The following TARS3 variants were observed in gnomAD, a reference collection of about 807,000 sequenced individuals.
The protein encoded by TARS3 is threonyl-tRNA synthetase 3.
Under a neutral mutation model 103.5 loss-of-function variants are expected in TARS3, and 94 were observed. That is an observed-to-expected ratio of 0.91 (90% CI 0.77 to 1.08). TARS3 has a LOEUF of 1.08. Among genes scored for constraint, TARS3 ranks in the 50% least tolerant of loss-of-function variants. The pLI, the probability that TARS3 is intolerant of heterozygous loss-of-function variation, is 0.00. For missense variants in TARS3, 952 were observed against 995.2 expected (o/e 0.96, Z 0.58); for synonymous variants, 416 against 355.4 (o/e 1.17, Z -1.92).
At position 101,724,217 on chromosome 15, in the gene TARS3, G is replaced by C; in HGVS notation, c.171C>G (p.Leu57=). ...GGCGCAGGTCGCAGTTCTCGGCCCG[G>C]AGCTGCGCCACCTCCCGCGTGAGGC... ...GPCLTREVAQ[L]RAENCDLRHR... is the part of the protein sequence containing the mutation. The change falls in exon 1 of 19, where the codon CTC becomes CTG. Residue 57 remains leucine (L), a synonymous_variant. Transcript: ENST00000335968. 1 of 1,537,804 alleles carries C rather than the reference G, an allele frequency of 6.5e-7. No homozygotes were observed. The highest frequency in any genetic ancestry group is 2.5e-5 in the East Asian group (1 of 39,898).
At chr15:101,698,449 C>A (rs2141424858) in intron 10 of TARS3, among the ~76,000 whole-genome samples, 1 of 151,952 alleles carries the variant, frequency 6.6e-6, no homozygotes, top group Non-Finnish European at 1.5e-5. Flanking sequence ...ACTCAGAGGG[C>A]AGAATCACAG....
intron 13 of TARS3, among the ~76,000 whole-genome samples, chr15:101,675,188 C>T (rs1025284060): frequency 1.3e-5 from 2 of 152,146 alleles, no homozygotes; most frequent in Non-Finnish European, 2.9e-5. Context: ...CACGACAGGA[C>T]GTGACTACGA....
chr15:101,712,827 G>A (rs1373963530), intron 4 of TARS3, among the ~76,000 whole-genome samples: 1 of 152,228 alleles, frequency 6.6e-6, no homozygotes, highest in Non-Finnish European at 1.5e-5. Flanking sequence ...TTAAAAAGCT[G>A]TTTGATAAAA....
rs1225290869 is a variant in TARS3 at position 101,711,990 on chromosome 15, G to A, written c.702C>T (p.His234=). 1.2e-6 allele frequency: 2 copies of A among 1,613,420 alleles called. No individual in the cohort carries two copies. Among genetic ancestry groups the A allele is most frequent in the Non-Finnish European group, 1.7e-6 (2 of 1,179,672 alleles). Residue 234 remains histidine (H), a synonymous_variant, in exon 5 of 19, where the codon CAC becomes CAT. Transcript: ENST00000335968. ...CCTCCCCAAGAATGTGAGCACTGGA[G>A]TGCCAGTACACCTGCATGGCATGGA... ...DNEEAQAVYW[H]SSAHILGEAM... is the part of the protein sequence containing the mutation.
intron 3 of TARS3, 138 bp from the exon 4 acceptor site, chr15:101,715,101 CTTG>C: frequency 1.4e-6 from 1 of 702,220 alleles, no homozygotes; most frequent in South Asian, 3.9e-5. Context: ...ACAGATATTT[CTTG>C]TTTTGCAATA....
intron 2 of TARS3, among the ~76,000 whole-genome samples, chr15:101,722,637 T>G (rs755606068): frequency 7.9e-5 from 7 of 88,082 alleles, no homozygotes; most frequent in Non-Finnish European, 1.5e-4. Flanking sequence ...AAACCCCATC[T>G]CTACTAAAAA....
At chr15:101,714,319 T>C (rs182089434) in intron 4 of TARS3, among the ~76,000 whole-genome samples, 8 of 152,208 alleles carry the variant, frequency 5.3e-5, no homozygotes, top group Admixed American at 5.2e-4. Flanking sequence ...TAAGAAATGA[T>C]AAGGCTGGGC....
intron 12 of TARS3, among the ~76,000 whole-genome samples, chr15:101,677,661 G>C (rs1898085814): frequency 6.6e-6 from 1 of 152,116 alleles, no homozygotes; most frequent in Non-Finnish European, 1.5e-5. Context: ...ACCACGCCTG[G>C]CTAATTTTGT....
At position 101,664,925 on chromosome 15, in the gene TARS3, A is replaced by C. The variant is rs1897520262; in HGVS notation, c.1968-3109T>G. On this transcript the variant is annotated intron_variant, in intron 15 of 18. Transcript: ENST00000335968. ...TCAGGAAGAAACACAAAACACGAAC[A>C]ACAGAGATTGTAGAACTGAAAACTA... Among the ~76,000 whole-genome samples, 3 of 147,020 alleles carry C rather than the reference A, an allele frequency of 2.0e-5. No homozygotes were observed. The South Asian group carries it at 6.4e-4, about 31-fold the overall frequency.
chr15:101,721,250 A>G lies in TARS3; in HGVS notation c.442T>C (p.Leu148=), dbSNP rs150027731. ...CCCTTTTTTCCATAAATGGCAAGTA[A>G]GAGCTGATGGTCTTTCTTCAGTATT... The part of the protein sequence containing the change: ...FEILKKDHQL[L]LAIYGKKGDT... Residue 148 remains leucine (L), a synonymous_variant, in exon 3 of 19, where the codon TTA becomes CTA. Coordinates refer to ENST00000335968, the MANE Select transcript of TARS3 (RefSeq NM_152334.3). 614 of 1,614,068 alleles carry G rather than the reference A, an allele frequency of 3.8e-4. 1 individual carries two copies. The highest frequency in any genetic ancestry group is 4.9e-4 in the Non-Finnish European group (577 of 1,179,938).
chr15:101,714,731 G>A, intron 4 of TARS3, 109 bp downstream of exon 4: 1 of 938,956 alleles, frequency 1.1e-6, no homozygotes, highest in Non-Finnish European at 1.4e-6. Flanking sequence ...TTAAATCTTA[G>A]AAACCCCCAA....
At chr15:101,689,700 T>C (rs1898626797) in intron 10 of TARS3, among the ~76,000 whole-genome samples, 1 of 152,212 alleles carries the variant, frequency 6.6e-6, no homozygotes, top group Non-Finnish European at 1.5e-5. Context: ...CCATGGGTTT[T>C]AGAGGGAACA....
At chr15:101,679,777 C>T (rs1898182785) in intron 12 of TARS3, among the ~76,000 whole-genome samples, 1 of 152,322 alleles carries the variant, frequency 6.6e-6, no homozygotes, top group African/African-American at 2.4e-5. Flanking sequence ...CACTGACACT[C>T]TTCCAGCAGA....
chr15:101,704,692 A>G (rs1165729717), intron 7 of TARS3, among the ~76,000 whole-genome samples: 1 of 151,834 alleles, frequency 6.6e-6, no homozygotes, highest in East Asian at 1.9e-4. Flanking sequence ...AAGCCATAAA[A>G]GAAAAGCTTT....
Position 101,656,029 on chromosome 15 carries a change from A to T in TARS3, c.2260+893T>A, listed in dbSNP as rs1192491980. Reference sequence around the variant, plus strand: ...AGAAGGAAGAAACCGGTCTGCAGATAAGTGGAATAAGGTAGATATTCAAGA... The same window carrying T: ...AGAAGGAAGAAACCGGTCTGCAGATTAGTGGAATAAGGTAGATATTCAAGA... On this transcript the variant is annotated intron_variant, in intron 18 of 18. Coordinates refer to ENST00000335968, the MANE Select transcript of TARS3 (RefSeq NM_152334.3). 14 of 1,289,110 alleles carry T rather than the reference A, an allele frequency of 1.1e-5. No homozygotes were observed. The Admixed American group carries it at 3.0e-4, about 27-fold the overall frequency. 79.9% of individuals were successfully genotyped at this position (1,289,110 alleles called of 1,614,324 possible).
At chr15:101,702,126 A>G in intron 9 of TARS3, 113 bp downstream of exon 9, 1 of 1,329,310 alleles carries the variant, frequency 7.5e-7, no homozygotes, top group Non-Finnish European at 1.1e-6. Context: ...TGCCAGCAAA[A>G]TAGGAGAGAA....
chr15:101,721,100 A>C lies in TARS3; in HGVS notation c.566+26T>G, dbSNP rs367960566. On this transcript the variant is annotated intron_variant, in intron 3 of 18. Coordinates refer to ENST00000335968, the MANE Select transcript of TARS3 (RefSeq NM_152334.3). ...GCTTCAGTATAATTACTTAAGATTG[A>C]ATATCTTTTCCACACTGCGGTTTAC... The C allele has an allele frequency of 2.3e-4, 361 of 1,566,932 alleles. 1 individual carries two copies. Among genetic ancestry groups the C allele is most frequent in the Non-Finnish European group, 3.0e-4 (344 of 1,146,178 alleles).
chr15:101,661,883 T>C (rs1897395184), intron 15 of TARS3, 67 bp from the exon 16 acceptor site: 1 of 994,288 alleles, frequency 1.0e-6, no homozygotes, highest in Non-Finnish European at 1.4e-6. Context: ...TAGCCTTATA[T>C]TTAATTTTGA....
chr15:101,720,365 T>C (rs1900386766), intron 3 of TARS3, among the ~76,000 whole-genome samples: 1 of 152,204 alleles, frequency 6.6e-6, no homozygotes, highest in Non-Finnish European at 1.5e-5. Flanking sequence ...AGTTCACTAA[T>C]GTATCTAATT....
Sources: allele counts gnomAD v4.1 joint callset (sites outside exome capture counted in the v4.1 genomes callset), GRCh38; gene constraint gnomAD v4.1.1; transcripts MANE v1.5; gene names NCBI Gene and HGNC (gene_info 2026-07-23, HGNC 2026-07-21).